POC1A: variants seen among roughly 807,000 people sequenced by gnomAD.
The protein encoded by POC1A is POC1 centriolar protein homolog A.
POC1A carries 34 observed loss-of-function variants against 47.8 expected under a neutral mutation model. That is an observed-to-expected ratio of 0.71 (90% confidence interval 0.54 to 0.95). The LOEUF (loss-of-function observed/expected upper bound fraction) is 0.95. Among genes scored for constraint, POC1A ranks in the 40% least tolerant of loss-of-function variants. POC1A has a pLI of 0.00. For synonymous variants in POC1A, 177 were observed against 207.6 expected, an observed-to-expected ratio of 0.85 and a Z score of 1.27; for missense variants, 466 against 528.3, an observed-to-expected ratio of 0.88 and a Z score of 1.16.
intron 9 of POC1A, among the ~76,000 whole-genome samples, chr3:52,098,759 C>T (rs1369153874): frequency 1.3e-5 from 2 of 152,236 alleles, no homozygotes; most frequent in African/African-American, 4.8e-5. Context: ...GCACTTAACA[C>T]TCCACCAGTC....
chr3:52,111,830 T>C (rs566612971), intron 9 of POC1A, among the ~76,000 whole-genome samples: 24 of 152,144 alleles, frequency 1.6e-4, no homozygotes, highest in Admixed American at 3.3e-4. Flanking sequence ...CATCCACATG[T>C]GCAGGGTGAG....
chr3:52,112,979 TGGA>T (rs1239547973), intron 9 of POC1A, among the ~76,000 whole-genome samples: 1 of 152,162 alleles, frequency 6.6e-6, no homozygotes, highest in Non-Finnish European at 1.5e-5. Context: ...TCGGATACTC[TGGA>T]TATGAGGCCC....
chr3:52,136,295 C>T (rs1704460437), intron 7 of POC1A, among the ~76,000 whole-genome samples: 1 of 152,142 alleles, frequency 6.6e-6, no homozygotes, highest in South Asian at 2.1e-4. Context: ...TTCATCTGAG[C>T]TGTACCCTGG....
rs1702598059 is a variant in POC1A, at chr3:52,090,164, A to G, written c.1125+6405T>C. 6.6e-6 allele frequency among the ~76,000 whole-genome samples: 1 copy of G among 152,172 alleles called. No homozygotes were observed. The highest frequency in any genetic ancestry group is 1.5e-5 in the Non-Finnish European group (1 of 68,026). The stretch of plus-strand genomic sequence containing the variant: ...TTGCTCCCTGCCTGCTCCCCACCGC[A>G]TGCATTTTCAAGTCCTGGAGCCCAG... On this transcript the variant is annotated intron_variant, in intron 10 of 10. Coordinates refer to ENST00000296484, the MANE Select transcript of POC1A (RefSeq NM_015426.5). This position sits in a 1 kb window ranked among gnomAD's most constrained non-coding sequence, Gnocchi z 4.2.
Position 52,082,578 on chromosome 3 carries a change from G to A in POC1A, c.1126-6593C>T, listed in dbSNP as rs1178938733. Reference sequence around the variant, plus strand: ...TGAATCCTAATTTTTCTGCTCAGGGGAGACACTGTGATCTGTCCTATTGGG... The same window carrying A: ...TGAATCCTAATTTTTCTGCTCAGGGAAGACACTGTGATCTGTCCTATTGGG... On this transcript the variant is annotated intron_variant, in intron 10 of 10. Transcript: ENST00000296484. 2.0e-5 allele frequency among the ~76,000 whole-genome samples: 3 copies of A among 152,154 alleles called. No individual in the cohort carries two copies. In the East Asian group the frequency reaches 5.8e-4, roughly 29 times the overall value.
At chr3:52,076,071 GCCT>G in intron 10 of POC1A, 86 bp from the exon 11 acceptor site, 1 of 1,004,104 alleles carries the variant, frequency 1.0e-6, no homozygotes, top group Non-Finnish European at 1.6e-6. Context: ...CCACTTGGCT[GCCT>G]CAGCCACTGC....
chr3:52,146,740 A>G (rs1173340215), intron 5 of POC1A, among the ~76,000 whole-genome samples: 1 of 152,260 alleles, frequency 6.6e-6, no homozygotes, highest in Non-Finnish European at 1.5e-5. Flanking sequence ...ACACAGCTCC[A>G]AAGAATTGCA....
At chr3:52,078,270 C>T (rs551675772) in intron 10 of POC1A, among the ~76,000 whole-genome samples, 1 of 152,172 alleles carries the variant, frequency 6.6e-6, no homozygotes, top group African/African-American at 2.4e-5. Context: ...CACGTGATCC[C>T]AGCTGCCCCC....
rs1363388514 is a variant in POC1A, at chr3:52,145,927, T to C, written c.598A>G (p.Thr200Ala). 1 of 1,613,772 alleles carries C rather than the reference T, an allele frequency of 6.2e-7. No homozygotes were observed. The highest frequency in any genetic ancestry group is 1.1e-5 in the South Asian group (1 of 91,088). The change falls in exon 6 of 11, where the codon ACG becomes GCG. Residue 200 changes from threonine to alanine, a missense_variant. Transcript: ENST00000296484. Reference protein sequence around the residue: ...VTYVDFHPSGTCIAAAGMDNT... With the variant: ...VTYVDFHPSGACIAAAGMDNT... ...TCCATGCCGGCAGCGGCAATGCACG[T>C]CCCACTGGGGTGGAAGTCCACATAG...
At chr3:52,097,740 T>G (rs559739160) in intron 9 of POC1A, among the ~76,000 whole-genome samples, 3 of 152,356 alleles carry the variant, frequency 2.0e-5, no homozygotes, top group African/African-American at 7.2e-5. Context: ...ACAGGAGAAC[T>G]TGAATGTGAG....
At chr3:52,081,726 G>A (rs1559807186) in intron 10 of POC1A, among the ~76,000 whole-genome samples, 1 of 152,130 alleles carries the variant, frequency 6.6e-6, no homozygotes, top group Non-Finnish European at 1.5e-5. Flanking sequence ...GCTGGGGGGT[G>A]CTAGGCTGAG....
intron 4 of POC1A, among the ~76,000 whole-genome samples, chr3:52,148,172 G>A (rs1698432146): frequency 6.6e-6 from 1 of 152,230 alleles, no homozygotes; most frequent in African/African-American, 2.4e-5. Context: ...CTCAAGTGCG[G>A]GTCAGCAAGA....
intron 10 of POC1A, among the ~76,000 whole-genome samples, chr3:52,077,405 C>A (rs966792213): frequency 6.6e-6 from 1 of 152,252 alleles, no homozygotes; most frequent in African/African-American, 2.4e-5. Context: ...GCGTCCGGCA[C>A]AGACATTAGC....
intron 10 of POC1A, 128 bp from the exon 11 acceptor site, chr3:52,076,113 G>C: frequency 1.4e-6 from 1 of 690,858 alleles, no homozygotes; most frequent in East Asian, 2.7e-5. Flanking sequence ...TTTCCACCCA[G>C]GGGTTCTGCC....
At chr3:52,096,459 T>C (rs1702817362) in intron 10 of POC1A, 110 bp downstream of exon 10, 2 of 944,978 alleles carry the variant, frequency 2.1e-6, no homozygotes, top group Non-Finnish European at 3.1e-6. Flanking sequence ...AACAGGTCCG[T>C]TATAATTATG....
intron 7 of POC1A, among the ~76,000 whole-genome samples, chr3:52,137,909 T>C (rs1179222001): frequency 2.0e-5 from 3 of 152,128 alleles, no homozygotes; most frequent in African/African-American, 7.2e-5. Flanking sequence ...AGGGGACAGA[T>C]TCCATTCAGG....
intron 1 of POC1A, among the ~76,000 whole-genome samples, chr3:52,151,381 T>C (rs950999128): frequency 2.0e-5 from 3 of 152,128 alleles, no homozygotes; most frequent in Admixed American, 6.6e-5. Context: ...CAAAAATCAA[T>C]TGTCTTTCTG....
chr3:52,093,108 G>A (rs1359392063), intron 10 of POC1A, among the ~76,000 whole-genome samples: 1 of 152,248 alleles, frequency 6.6e-6, no homozygotes, highest in East Asian at 1.9e-4. Flanking sequence ...GTCCCGTCAG[G>A]TGAGGGTGAA....
chr3:52,141,175 G>C (rs1698180126), intron 6 of POC1A, among the ~76,000 whole-genome samples: 1 of 152,226 alleles, frequency 6.6e-6, no homozygotes, highest in Admixed American at 6.5e-5. Flanking sequence ...CAAATACCAA[G>C]AACTAGTCAT....
Sources: allele counts gnomAD v4.1 joint callset (sites outside exome capture counted in the v4.1 genomes callset), GRCh38; gene constraint gnomAD v4.1.1; non-coding constraint Gnocchi (gnomAD v3.1); transcripts MANE v1.5; gene names NCBI Gene and HGNC (gene_info 2026-07-23, HGNC 2026-07-21).